The following SH3D21 variants were observed in gnomAD, a reference collection of about 807,000 sequenced individuals.
The protein encoded by SH3D21 is manchette microtubule inner protein 1.
A neutral mutation model predicts 82.1 loss-of-function variants in SH3D21; 83 were observed. The ratio of observed to expected loss-of-function variants is 1.01; its 90% CI spans 0.85 to 1.21. The LOEUF is 1.21. Among genes scored for constraint, SH3D21 ranks in the 50% most tolerant of loss-of-function variants. SH3D21 has a pLI of 0.00. For synonymous variants in SH3D21, 383 were observed against 387.8 expected, an observed-to-expected ratio of 0.99 and a Z score of 0.15; for missense variants, 980 against 962.1, an observed-to-expected ratio of 1.02 and a Z score of -0.25.
rs1346278370 is a variant in SH3D21 at position 36,321,173 on chromosome 1, C to T, written c.*46C>T. ...CGCGGCCTGACCTGGCTGGGGCCACCCACGTCCTTGCACACGACTTTGGGA... is the reference window on the plus strand; with the variant it reads ...CGCGGCCTGACCTGGCTGGGGCCACTCACGTCCTTGCACACGACTTTGGGA... On this transcript the variant is annotated 3_prime_UTR_variant, in exon 16 of 16. Coordinates refer to ENST00000453908, the MANE Select transcript of SH3D21 (RefSeq NM_001162530.2). This position sits in a 1 kb window ranked among gnomAD's most constrained non-coding sequence, Gnocchi z 6.1. 3 of 1,591,904 alleles carry T rather than the reference C, an allele frequency of 1.9e-6. No individual in the cohort carries two copies. Among genetic ancestry groups the T allele is most frequent in the Non-Finnish European group, 2.6e-6 (3 of 1,169,612 alleles).
chr1:36,308,182 G>T lies in SH3D21; in HGVS notation c.612G>T (p.Arg204Ser), dbSNP rs973928287. The T allele has an allele frequency of 1.3e-6, 2 of 1,546,112 alleles. No homozygotes were observed. Among genetic ancestry groups the T allele is most frequent in the Non-Finnish European group, 8.7e-7 (1 of 1,144,186 alleles). The change falls in exon 8 of 16, where the codon AGG (arginine) becomes AGT (serine). Residue 204 changes from arginine to serine, a missense_variant. Physicochemically the swap from Arg to Ser is moderately radical, Grantham distance 110. Coordinates refer to ENST00000453908, the MANE Select transcript of SH3D21 (RefSeq NM_001162530.2). ...PEAPDELALR[R>S]GDVVKVLSKT... is the part of the protein sequence containing the mutation. ...CCCCAGACGAGTTGGCGCTGCGGAG[G>T]GGGGACGTGGTAAAAGTACTCAGCA...
chr1:36,308,899 C>T (rs1384707861), intron 9 of SH3D21, among the ~76,000 whole-genome samples: 1 of 151,014 alleles, frequency 6.6e-6, no homozygotes, highest in Non-Finnish European at 1.5e-5. Context: ...TGCAGTGAGC[C>T]GAGATTGTGC....
downstream of SH3D21, chr1:36,327,787 G>A (rs1287781863): frequency 5.5e-6 from 7 of 1,263,826 alleles, no homozygotes; most frequent in Non-Finnish European, 7.2e-6. Flanking sequence ...GTTTTGAGAA[G>A]CACTGCTCCT....
chr1:36,309,987 C>G (rs1246565614), intron 10 of SH3D21, among the ~76,000 whole-genome samples: 1 of 152,158 alleles, frequency 6.6e-6, no homozygotes, highest in African/African-American at 2.4e-5. Flanking sequence ...CGGAGTCTCA[C>G]TCTGTCGCCC....
chr1:36,322,246 A>C, downstream of SH3D21: 1 of 1,443,086 alleles, frequency 6.9e-7, no homozygotes, highest in Admixed American at 2.6e-5. Context: ...CTCTGAGCTC[A>C]TGTGCAGGTC....
chr1:36,312,243 T>C (rs1290217892), intron 10 of SH3D21, among the ~76,000 whole-genome samples: 1 of 151,566 alleles, frequency 6.6e-6, no homozygotes, highest in Non-Finnish European at 1.5e-5. Context: ...CAGGATGGTC[T>C]TGATCTCCTG....
Position 36,320,902 on chromosome 1 carries a change from C to T in SH3D21, c.2136-13C>T, listed in dbSNP as rs1378481643. On this transcript the variant is annotated splice_polypyrimidine_tract_variant and intron_variant, in intron 14 of 15. Transcript: ENST00000453908. Reference sequence around the variant, plus strand: ...TCACCTGCCCAGCCCCTCACCTCCGCCTCGGCCCGCAGGAGGAAGCTGACC... The same window carrying T: ...TCACCTGCCCAGCCCCTCACCTCCGTCTCGGCCCGCAGGAGGAAGCTGACC... 1.9e-6 allele frequency: 3 copies of T among 1,558,688 alleles called. No homozygotes were observed. Among genetic ancestry groups the T allele is most frequent in the South Asian group, 2.4e-5 (2 of 84,934 alleles).
Position 36,307,116 on chromosome 1 carries a change from C to T in SH3D21, c.227-51C>T. The T allele has an allele frequency of 7.7e-6, 12 of 1,548,554 alleles. No homozygotes were observed. Among genetic ancestry groups the T allele is most frequent in the African/African-American group, 1.4e-5 (1 of 73,126 alleles). On this transcript the variant is annotated intron_variant, in intron 3 of 15. Coordinates refer to ENST00000453908, the MANE Select transcript of SH3D21 (RefSeq NM_001162530.2). The surrounding 1 kb of genome is among the most constrained non-coding windows in gnomAD (Gnocchi z 5.4). ...TGCGCGCCTTGCGCTTCCCCCAGCT[C>T]CTCTGACTGGGGCGTCCGACTGGAG...
At position 36,307,309 on chromosome 1, in the gene SH3D21, G is replaced by A. The variant is rs1646148021; in HGVS notation, c.345+24G>A. The A allele has an allele frequency of 6.4e-7, 1 of 1,551,198 alleles. No individual in the cohort carries two copies. The highest frequency in any genetic ancestry group is 8.7e-7 in the Non-Finnish European group (1 of 1,146,614). ...AGGTGAGGGGTGAGGTGATGGGACC[G>A]TTTGGGGGAGGATGATGGAACGCGC... On this transcript the variant is annotated intron_variant, in intron 4 of 15. Coordinates refer to ENST00000453908, the MANE Select transcript of SH3D21 (RefSeq NM_001162530.2). This position sits in a 1 kb window ranked among gnomAD's most constrained non-coding sequence, Gnocchi z 5.4.
chr1:36,321,570 T>C (rs544274629), downstream of SH3D21: 5 of 794,822 alleles, frequency 6.3e-6, no homozygotes, highest in East Asian at 3.4e-4. This position sits in a 1 kb window ranked among gnomAD's most constrained non-coding sequence, Gnocchi z 6.1. Context: ...GGCCTCCCTG[T>C]CCGCTCAGAG....
At position 36,307,736 on chromosome 1, in the gene SH3D21, T is replaced by C; in HGVS notation, c.437-34T>C. ...CTCTCCCATGACCTAACCTGTGAATTAGCACCCTCCCTAACCTCACTGTCC... is the reference window on the plus strand; with the variant it reads ...CTCTCCCATGACCTAACCTGTGAATCAGCACCCTCCCTAACCTCACTGTCC... On this transcript the variant is annotated intron_variant, in intron 5 of 15. Coordinates refer to ENST00000453908, the MANE Select transcript of SH3D21 (RefSeq NM_001162530.2). The surrounding 1 kb of genome is among the most constrained non-coding windows in gnomAD (Gnocchi z 5.4). The C allele has an allele frequency of 6.5e-7, 1 of 1,548,896 alleles. No individual in the cohort carries two copies. Among genetic ancestry groups the C allele is most frequent in the Non-Finnish European group, 8.7e-7 (1 of 1,145,260 alleles).
chr1:36,321,257 G>GGGGCCTGCGCGGGGGCA lies in SH3D21; in HGVS notation c.*138_*154dup. On this transcript the variant is annotated 3_prime_UTR_variant, in exon 16 of 16. Coordinates refer to ENST00000453908, the MANE Select transcript of SH3D21 (RefSeq NM_001162530.2). The surrounding 1 kb of genome is among the most constrained non-coding windows in gnomAD (Gnocchi z 6.1). ...CCACGCCGGTCTGGTCGCTGGGGGC[G>GGGGCCTGCGCGGGGGCA]GGGCCTGCGCGGGGGCAGGGCCTGG... is the stretch of plus-strand genomic sequence containing the variant. 1.4e-6 allele frequency: 2 copies of GGGGCCTGCGCGGGGGCA among 1,467,768 alleles called. No individual in the cohort carries two copies. The highest frequency in any genetic ancestry group is 1.4e-5 in the African/African-American group (1 of 70,936). 90.9% of individuals were successfully genotyped at this position (1,467,768 alleles called of 1,614,324 possible).
At chr1:36,328,172 A>G (rs1056004850), downstream of SH3D21, 3 of 455,320 alleles carry the variant, frequency 6.6e-6, no homozygotes, top group African/African-American at 6.0e-5. Flanking sequence ...CAGGAAGGAC[A>G]GGCCTTGATG....
chr1:36,307,139 G>A lies in SH3D21; in HGVS notation c.227-28G>A, dbSNP rs921324328. On this transcript the variant is annotated intron_variant, in intron 3 of 15. Coordinates refer to ENST00000453908, the MANE Select transcript of SH3D21 (RefSeq NM_001162530.2). The surrounding 1 kb of genome is among the most constrained non-coding windows in gnomAD (Gnocchi z 5.4). ...CTCCTCTGACTGGGGCGTCCGACTGGAGCTCAGCCGCGCTTGTCCGGTGCT... is the reference window on the plus strand; with the variant it reads ...CTCCTCTGACTGGGGCGTCCGACTGAAGCTCAGCCGCGCTTGTCCGGTGCT... 11 of 1,550,904 alleles carry A rather than the reference G, an allele frequency of 7.1e-6. No homozygotes were observed. In the African/African-American group the frequency reaches 1.5e-4, roughly 21 times the overall value.
chr1:36,310,780 G>A (rs1646223451), intron 10 of SH3D21, among the ~76,000 whole-genome samples: 1 of 152,046 alleles, frequency 6.6e-6, no homozygotes, highest in Admixed American at 6.6e-5. Flanking sequence ...GTTCCCCCAA[G>A]TTTTTAAGTT....
chr1:36,314,363 C>A (rs1196283897), intron 10 of SH3D21, among the ~76,000 whole-genome samples: 2 of 151,228 alleles, frequency 1.3e-5, no homozygotes, highest in African/African-American at 4.9e-5. Context: ...GATTATTTGT[C>A]TTTTTACTAT....
chr1:36,322,933 A>AG, downstream of SH3D21: 3 of 1,603,476 alleles, frequency 1.9e-6, no homozygotes, highest in Non-Finnish European at 2.6e-6. Context: ...TGGTCAGGGA[A>AG]GGGTTCAGGC....
downstream of SH3D21, chr1:36,322,317 A>T: frequency 6.4e-7 from 1 of 1,555,116 alleles, no homozygotes; most frequent in African/African-American, 1.4e-5. Flanking sequence ...CATGCGGCCC[A>T]GGGTGCCCGT....
intron 10 of SH3D21, 22 bp downstream of exon 10, chr1:36,309,612 G>A: frequency 6.4e-7 from 1 of 1,551,526 alleles, no homozygotes. Context: ...GGGAGCCTGG[G>A]ATTGGGGGGT....
Sources: gnomAD v4.1 joint callset for allele counts (sites outside exome capture counted in the v4.1 genomes callset) on GRCh38, gnomAD v4.1.1 for gene constraint, Gnocchi (gnomAD v3.1) non-coding constraint, MANE v1.5 for transcripts, NCBI Gene and HGNC (gene_info 2026-07-23, HGNC 2026-07-21) for gene names.